The following DSC1 variants were observed in gnomAD, a reference collection of about 807,000 sequenced individuals.
DSC1 encodes the protein desmocollin 1.
DSC1 carries 79 observed loss-of-function variants against 98.8 expected under a neutral mutation model. The observed-to-expected ratio is 0.80, with a 90% CI of 0.67 to 0.96. The LOEUF is 0.96. Among genes scored for constraint, DSC1 ranks in the 50% least tolerant of loss-of-function variants. The pLI is 0.00. For missense variants in DSC1, 1,115 were observed against 1,075.9 expected (o/e 1.04, Z -0.51); for synonymous variants, 405 against 372.1 (o/e 1.09, Z -1.02).
In DSC1 at chr18:31,141,210, T is replaced by A. The variant is rs75924933; in HGVS notation, c.1260+789A>T. Among the ~76,000 whole-genome samples, 680 of 150,192 alleles carry A rather than the reference T, an allele frequency of 4.5e-3. 6 individuals carry two copies. Among genetic ancestry groups the A allele is most frequent in the African/African-American group, 0.015 (631 of 40,902 alleles). On this transcript the variant is annotated intron_variant, in intron 9 of 15. Transcript: ENST00000257198. ...AAAGAATCCTAAAACAACATTTAAA[T>A]GGTGAAAAAAATATCAAGGGGGAAA... is the stretch of plus-strand genomic sequence containing the variant.
Position 31,145,739 on chromosome 18 carries a change from C to T in DSC1, c.811G>A (p.Glu271Lys), listed in dbSNP as rs1356521849. The T allele has an allele frequency of 1.9e-6, 3 of 1,614,022 alleles. No homozygotes were observed. Among genetic ancestry groups the T allele is most frequent in the Admixed American group, 1.7e-5 (1 of 60,002 alleles). Residue 271 changes from glutamate (E) to lysine (K), a missense_variant, in exon 7 of 16, where the codon GAA becomes AAA. By Grantham distance (56) the Glu-to-Lys change is moderately conservative. Coordinates refer to ENST00000257198, the MANE Select transcript of DSC1 (RefSeq NM_024421.2). ...AGACGAGTATGGAGAGTGTCAGGTT[C>T]GTCAAGGTCTGTGGCGGTCACTTTT... ...VGKVTATDLD[E>K]PDTLHTRLKY...
chr18:31,136,590 T>C (rs1988614710), intron 11 of DSC1, among the ~76,000 whole-genome samples: 1 of 152,188 alleles, frequency 6.6e-6, no homozygotes, highest in African/African-American at 2.4e-5. Context: ...AACAGGGGTG[T>C]CCAATCTTTT....
At chr18:31,132,342 T>G (rs915292971) in intron 14 of DSC1, 2 of 468,314 alleles carry the variant, frequency 4.3e-6, no homozygotes, top group African/African-American at 4.0e-5. Flanking sequence ...TCCAGATCTG[T>G]GAAACAATAC....
chr18:31,139,431 A>G (rs1988681961), intron 11 of DSC1, among the ~76,000 whole-genome samples: 1 of 152,188 alleles, frequency 6.6e-6, no homozygotes, highest in South Asian at 2.1e-4. Context: ...ATCCTTGAGT[A>G]TGCCACCATT....
At chr18:31,139,611 A>T (rs1469415341) in intron 11 of DSC1, 137 bp downstream of exon 11, 28 of 892,808 alleles carry the variant, frequency 3.1e-5, no homozygotes, top group Non-Finnish European at 4.2e-5. Flanking sequence ...AAACTGGGTG[A>T]TATCCAATAA....
chr18:31,157,163 A>G (rs1568005473), intron 3 of DSC1, among the ~76,000 whole-genome samples: 1 of 152,208 alleles, frequency 6.6e-6, no homozygotes, highest in East Asian at 1.9e-4. Context: ...CTCCTGGTCT[A>G]CAGAGTCATT....
At position 31,131,581 on chromosome 18, in the gene DSC1, C is replaced by T. The variant is rs1191565769; in HGVS notation, c.2487+13G>A. ...CTTCCATGTAATATGACCTCAAAGA[C>T]AGTGGAACTTACTTCGCCAAGCCGA... On this transcript the variant is annotated intron_variant, in intron 15 of 15. Transcript: ENST00000257198. 6.2e-7 allele frequency: 1 copy of T among 1,613,720 alleles called. No individual in the cohort carries two copies. The highest frequency in any genetic ancestry group is 8.5e-7 in the Non-Finnish European group (1 of 1,179,822).
Position 31,145,634 on chromosome 18 carries a change from T to C in DSC1, c.916A>G (p.Thr306Ala). ...IHPDTGVITT[T>A]TPFLDREKCD... ...ACTTCTCTATCCAGAAAAGGTGTAG[T>C]TGTGGTGATGACACCGGTATCTGGG... The change falls in exon 7 of 16, where the codon ACT becomes GCT. Residue 306 changes from threonine (T) to alanine (A), a missense_variant. Thr to Ala is a moderately conservative substitution (Grantham distance 58, BLOSUM62 0). Transcript: ENST00000257198. 6.2e-7 allele frequency: 1 copy of C among 1,614,090 alleles called. No individual in the cohort carries two copies. Among genetic ancestry groups the C allele is most frequent in the Non-Finnish European group, 8.5e-7 (1 of 1,179,994 alleles).
rs200787420 is a variant in DSC1, at chr18:31,144,936, C to CTTTTT, written c.939+674_939+675insAAAAA. Among the ~76,000 whole-genome samples, 34 of 95,278 alleles carry CTTTTT rather than the reference C, an allele frequency of 3.6e-4. 5 individuals carry two copies. Among genetic ancestry groups the CTTTTT allele is most frequent in the Admixed American group, 3.6e-4 (3 of 8,332 alleles). 62.5% of individuals were successfully genotyped at this position (95,278 alleles called of 152,430 possible). A position where few individuals can be genotyped will look rare whatever the true frequency, so the allele number is the denominator to read the frequency against. Reference sequence around the variant, plus strand: ...TGGGAACCGTCTGTATTTTCTTTTTCTTTCTTTTTTTTTTTTTTTTTGAGA... The same window carrying CTTTTT: ...TGGGAACCGTCTGTATTTTCTTTTTCTTTTTTTTCTTTTTTTTTTTTTTTTTGAGA... On this transcript the variant is annotated intron_variant, in intron 7 of 15. Transcript: ENST00000257198.
Position 31,129,973 on chromosome 18 carries a change from A to G in DSC1, c.*541T>C. ...TGCTGGGAGCACTGCTCTGAGGAGT[A>G]CAAAAGTGTAAAAGAGAAATGAACT... On this transcript the variant is annotated 3_prime_UTR_variant, in exon 16 of 16. Coordinates refer to ENST00000257198, the MANE Select transcript of DSC1 (RefSeq NM_024421.2). 6.4e-6 allele frequency: 1 copy of G among 155,986 alleles called. No individual in the cohort carries two copies. The highest frequency in any genetic ancestry group is 1.4e-5 in the Non-Finnish European group (1 of 70,428). 9.7% of individuals were successfully genotyped at this position (155,986 alleles called of 1,614,324 possible). A position where few individuals can be genotyped will look rare whatever the true frequency, so the allele number is the denominator to read the frequency against.
chr18:31,147,410 T>C (rs2144941552), intron 6 of DSC1, among the ~76,000 whole-genome samples: 1 of 152,298 alleles, frequency 6.6e-6, no homozygotes, highest in South Asian at 2.1e-4. Context: ...TGTACTAATC[T>C]AACCAGTTAG....
Position 31,148,513 on chromosome 18 carries a change from CA to C in DSC1, c.756del (p.Glu253LysfsTer12), listed in dbSNP as rs1988894471. The C allele has an allele frequency of 1.3e-6, 2 of 1,599,142 alleles. No individual in the cohort carries two copies. Among genetic ancestry groups the C allele is most frequent in the Non-Finnish European group, 1.7e-6 (2 of 1,169,736 alleles). On this transcript the variant is annotated frameshift_variant, in exon 6 of 16. Coordinates refer to ENST00000257198, the MANE Select transcript of DSC1 (RefSeq NM_024421.2). LOFTEE classifies it high-confidence loss of function. Reference protein sequence around the residue: ...FEHRVTIFTVPENCRSGTSVG... With the variant: ...FEHRVTIFTVXENCRSGTSVG... ...GTGAACTTACCGGATCGGCAATTTT[CA>C]GGCACAGTAAAGATAGTCACTCTGT... is the stretch of plus-strand genomic sequence containing the variant.
At chr18:31,136,820 T>C (rs1988620933) in intron 11 of DSC1, among the ~76,000 whole-genome samples, 1 of 152,174 alleles carries the variant, frequency 6.6e-6, no homozygotes, top group Non-Finnish European at 1.5e-5. Context: ...TTAGAAGATA[T>C]CAAAAATTAC....
chr18:31,155,044 T>C (rs1490854076), intron 4 of DSC1, 115 bp from the exon 5 acceptor site: 38 of 1,245,516 alleles, frequency 3.1e-5, no homozygotes, highest in Non-Finnish European at 3.6e-5. Flanking sequence ...TCCTATTCTT[T>C]CTTTCTTCTG....
At chr18:31,142,261 A>G in intron 8 of DSC1, 77 bp from the exon 9 acceptor site, 2 of 1,465,046 alleles carry the variant, frequency 1.4e-6, no homozygotes, top group Non-Finnish European at 1.8e-6. Context: ...ACGTATTTAA[A>G]GAAAAAAATA....
chr18:31,147,321 A>C (rs1450731755), intron 6 of DSC1, among the ~76,000 whole-genome samples: 1 of 152,180 alleles, frequency 6.6e-6, no homozygotes, highest in Non-Finnish European at 1.5e-5. Flanking sequence ...CCTGTGACAC[A>C]TATGTACATG....
At chr18:31,150,295 T>TCATCATCATCACCAGCATCATCATCAGC (rs1988952727) in intron 5 of DSC1, among the ~76,000 whole-genome samples, 14 of 33,486 alleles carry the variant, frequency 4.2e-4, no homozygotes, top group African/African-American at 5.9e-4. Context: ...CCACCACCAC[T>TCATCATCATCACCAGCATCATCATCAGC]ACCATCATCA....
intron 8 of DSC1, 79 bp from the exon 9 acceptor site, chr18:31,142,263 A>T: frequency 6.9e-7 from 1 of 1,450,064 alleles, no homozygotes. Context: ...GTATTTAAAG[A>T]AAAAAATAAA....
At chr18:31,152,407 G>A (rs1444986248) in intron 5 of DSC1, among the ~76,000 whole-genome samples, 1 of 151,990 alleles carries the variant, frequency 6.6e-6, no homozygotes. Context: ...TACTCCCAAA[G>A]CTACGAAATC....
Sources: gnomAD v4.1 joint callset for allele counts (sites outside exome capture counted in the v4.1 genomes callset) on GRCh38, gnomAD v4.1.1 for gene constraint, MANE v1.5 for transcripts, NCBI Gene and HGNC (gene_info 2026-07-23, HGNC 2026-07-21) for gene names.